The following MAPKAP1 variants were observed in gnomAD, a reference collection of about 807,000 sequenced individuals.
MAPKAP1 encodes the protein MAPK associated protein 1.
Under a neutral mutation model 65.7 loss-of-function variants are expected in MAPKAP1, and 20 were observed. That is an observed-to-expected ratio of 0.30 (90% CI 0.21 to 0.44). The LOEUF (loss-of-function observed/expected upper bound fraction) is 0.44. Ranked by LOEUF, MAPKAP1 falls within the 20% of genes least tolerant of loss-of-function variation. The probability of loss-of-function intolerance (pLI) is 1.00; values close to 1 mark genes in which losing one functional copy is unlikely to be tolerated. For missense variants in MAPKAP1, 423 were observed against 648.0 expected (o/e 0.65, Z 3.77); for synonymous variants, 222 against 244.3 (o/e 0.91, Z 0.85).
chr9:125,663,343 C>T (rs980706426), intron 3 of MAPKAP1, among the ~76,000 whole-genome samples: 34 of 152,130 alleles, frequency 2.2e-4, no homozygotes, highest in Non-Finnish European at 4.3e-4. Context: ...ACTCATCTCC[C>T]GATATATGCA....
chr9:125,694,606 C>T (rs1245304296), intron 1 of MAPKAP1, among the ~76,000 whole-genome samples: 1 of 152,182 alleles, frequency 6.6e-6, no homozygotes, highest in Non-Finnish European at 1.5e-5. Flanking sequence ...TCCCCGCCCC[C>T]TCTCCCAAAA....
intron 8 of MAPKAP1, among the ~76,000 whole-genome samples, chr9:125,490,119 ATGGTGGTGG>A (rs957952828): frequency 2.0e-5 from 3 of 152,086 alleles, no homozygotes; most frequent in Non-Finnish European, 4.4e-5. Flanking sequence ...ACTGGGTCCT[ATGGTGGTGG>A]TGGTGGTGGG....
intron 10 of MAPKAP1, among the ~76,000 whole-genome samples, chr9:125,445,111 G>A (rs2132928934): frequency 6.6e-6 from 1 of 151,024 alleles, no homozygotes. Context: ...GCTCCCAAAG[G>A]CCTCAGGTCA....
intron 10 of MAPKAP1, among the ~76,000 whole-genome samples, chr9:125,454,798 A>G (rs1853106249): frequency 6.6e-6 from 1 of 152,196 alleles, no homozygotes; most frequent in East Asian, 1.9e-4. Context: ...CTTTAGGAAG[A>G]GAAACCAGAT....
chr9:125,645,726 G>A (rs1374880069), intron 4 of MAPKAP1, among the ~76,000 whole-genome samples: 1 of 130,814 alleles, frequency 7.6e-6, no homozygotes, highest in Non-Finnish European at 1.5e-5. Context: ...GATGGAGCAA[G>A]ACTCTGTCTC....
chr9:125,661,048 A>C (rs1834171184), intron 3 of MAPKAP1, among the ~76,000 whole-genome samples: 1 of 152,230 alleles, frequency 6.6e-6, no homozygotes, highest in Non-Finnish European at 1.5e-5. Context: ...ACTGAACAAC[A>C]CACATAGAAA....
At chr9:125,586,857 C>G (rs185581564) in intron 4 of MAPKAP1, among the ~76,000 whole-genome samples, 1 of 152,328 alleles carries the variant, frequency 6.6e-6, no homozygotes, top group East Asian at 1.9e-4. Flanking sequence ...CAAGTCACAA[C>G]AACAACCCCT....
At chr9:125,693,682 T>C (rs1262837109) in intron 1 of MAPKAP1, among the ~76,000 whole-genome samples, 1 of 119,782 alleles carries the variant, frequency 8.3e-6, no homozygotes, top group African/African-American at 5.0e-5. Flanking sequence ...CACGTATATA[T>C]ACACGTATAT....
chr9:125,628,779 A>G (rs1222437414), intron 4 of MAPKAP1, among the ~76,000 whole-genome samples: 1 of 152,176 alleles, frequency 6.6e-6, no homozygotes. Flanking sequence ...TAAAAAGGCA[A>G]CCTATGCAAC....
At chr9:125,521,576 G>A (rs1829618859) in intron 7 of MAPKAP1, 1 of 1,419,574 alleles carries the variant, frequency 7.0e-7, no homozygotes, top group East Asian at 2.7e-5. Flanking sequence ...TGGGGATCCA[G>A]GGTGCTAAAT....
At chr9:125,600,538 C>T (rs1226444557) in intron 4 of MAPKAP1, among the ~76,000 whole-genome samples, 1 of 152,198 alleles carries the variant, frequency 6.6e-6, no homozygotes, top group Non-Finnish European at 1.5e-5. Context: ...GAACTGCAAA[C>T]TATCATACAA....
rs16928300 is a variant in MAPKAP1, at chr9:125,566,107, G to A, written c.672-6298C>T. The stretch of plus-strand genomic sequence containing the variant: ...AGAAGGGCCTCCTTGGCATGGCAAG[G>A]GTAGAGAATTTCAGTCCAGATCTTT... On this transcript the variant is annotated intron_variant, in intron 5 of 11. Transcript: ENST00000265960. 0.014 allele frequency among the ~76,000 whole-genome samples: 2,119 copies of A among 152,264 alleles called. 121 individuals are homozygous for A. In the East Asian group the frequency reaches 0.2, roughly 15 times the overall value.
At chr9:125,531,181 G>A (rs761386823) in intron 7 of MAPKAP1, among the ~76,000 whole-genome samples, 2 of 152,214 alleles carry the variant, frequency 1.3e-5, no homozygotes, top group Non-Finnish European at 2.9e-5. Context: ...AAAGGCAACA[G>A]CTTCCACTGA....
chr9:125,649,757 A>G (rs562651982), intron 4 of MAPKAP1, among the ~76,000 whole-genome samples: 5 of 150,100 alleles, frequency 3.3e-5, no homozygotes, highest in Non-Finnish European at 7.4e-5. Context: ...TGTAGTCAGC[A>G]GGTCCAAAAC....
rs1311448333 is a variant in MAPKAP1 at position 125,439,241 on chromosome 9, G to A, written c.1444-229C>T. ...TGGAGAAGCCAAGTGGCCAGTCCAG[G>A]CTTCCCAGTCAGTGAGCGGCGAGCT... On this transcript the variant is annotated intron_variant, in intron 11 of 11. Coordinates refer to ENST00000265960, the MANE Select transcript of MAPKAP1 (RefSeq NM_001006617.3). This position sits in a 1 kb window ranked among gnomAD's most constrained non-coding sequence, Gnocchi z 4.0. 6.6e-6 allele frequency among the ~76,000 whole-genome samples: 1 copy of A among 152,228 alleles called. No individual in the cohort carries two copies. The highest frequency in any genetic ancestry group is 1.5e-5 in the Non-Finnish European group (1 of 68,036).
At chr9:125,596,397 A>C in intron 4 of MAPKAP1, 1 of 819,970 alleles carries the variant, frequency 1.2e-6, no homozygotes, top group South Asian at 1.3e-5. Flanking sequence ...GGATGGCTAT[A>C]ATGGATTTGG....
At position 125,597,168 on chromosome 9, in the gene MAPKAP1, G is replaced by A. The variant is rs546309442; in HGVS notation, c.499-11441C>T. 3.2e-4 allele frequency among the ~76,000 whole-genome samples: 48 copies of A among 149,562 alleles called. 1 individual carries two copies. In the South Asian group the frequency reaches 9.7e-3, roughly 30 times the overall value. ...TAGTCCCAGCTACTTGGGAGGCTGA[G>A]GCAGGAGAATGGCGTGAACCCAGGA... On this transcript the variant is annotated intron_variant, in intron 4 of 11. Coordinates refer to ENST00000265960, the MANE Select transcript of MAPKAP1 (RefSeq NM_001006617.3).
intron 4 of MAPKAP1, among the ~76,000 whole-genome samples, chr9:125,629,884 G>T (rs1456838115): frequency 6.6e-6 from 1 of 152,202 alleles, no homozygotes; most frequent in Non-Finnish European, 1.5e-5. Context: ...GTCACTTTTA[G>T]ATGTCCTTGG....
intron 9 of MAPKAP1, among the ~76,000 whole-genome samples, chr9:125,475,132 G>GAAAAAAAA (rs1854055735): frequency 6.6e-6 from 1 of 152,130 alleles, no homozygotes; most frequent in Non-Finnish European, 1.5e-5. Context: ...TGAAAAAATT[G>GAAAAAAAA]AGGCTCAGGG....
Sources: gnomAD v4.1 joint callset for allele counts (sites outside exome capture counted in the v4.1 genomes callset) on GRCh38, gnomAD v4.1.1 for gene constraint, Gnocchi (gnomAD v3.1) non-coding constraint, MANE v1.5 for transcripts, NCBI Gene and HGNC (gene_info 2026-07-23, HGNC 2026-07-21) for gene names.